Variants in ITPR2 observed in about 807,000 individuals in gnomAD.
The protein encoded by ITPR2 is inositol 1,4,5-trisphosphate receptor type 2.
ITPR2 carries 207 observed loss-of-function variants against 317.1 expected under a neutral mutation model. The observed-to-expected ratio is 0.65, with a 90% CI of 0.58 to 0.73. The LOEUF (loss-of-function observed/expected upper bound fraction) is 0.73, where lower values mean the gene tolerates loss of function less well. ITPR2 is among the 30% of genes least tolerant of loss of function. ITPR2 has a pLI of 0.00. For synonymous variants in ITPR2, 1,156 were observed against 1,149.1 expected (o/e 1.01, Z -0.12); for missense variants, 2,613 against 3,284.0 (o/e 0.80, Z 4.99).
intron 1 of ITPR2, among the ~76,000 whole-genome samples, chr12:26,809,829 A>G (rs1950703618): frequency 6.6e-6 from 1 of 152,102 alleles, no homozygotes; most frequent in African/African-American, 2.4e-5. Context: ...CGTAGATTTA[A>G]TAATAGACTC....
chr12:26,341,541 A>T (rs901565785), intron 55 of ITPR2, among the ~76,000 whole-genome samples: 1 of 152,216 alleles, frequency 6.6e-6, no homozygotes, highest in Admixed American at 6.5e-5. Context: ...CAAGTTCTTT[A>T]TAGTTCCCTA....
chr12:26,750,085 C>T (rs1949389209), intron 2 of ITPR2, among the ~76,000 whole-genome samples: 1 of 152,154 alleles, frequency 6.6e-6, no homozygotes, highest in Non-Finnish European at 1.5e-5. Flanking sequence ...GTGAGTGTAA[C>T]CTTGCATAAG....
chr12:26,388,503 T>TGCAC (rs1220059690), intron 54 of ITPR2, among the ~76,000 whole-genome samples: 1 of 152,056 alleles, frequency 6.6e-6, no homozygotes, highest in African/African-American at 2.4e-5. Flanking sequence ...CTCACTCTGT[T>TGCAC]TCCCAGGCTG....
chr12:26,788,613 T>G (rs2137208238), intron 2 of ITPR2, among the ~76,000 whole-genome samples: 1 of 152,230 alleles, frequency 6.6e-6, no homozygotes, highest in East Asian at 1.9e-4. Context: ...TTCCTCAGTT[T>G]AGCAAGTTCT....
intron 37 of ITPR2, among the ~76,000 whole-genome samples, chr12:26,512,369 C>G (rs1238323131): frequency 1.3e-5 from 2 of 152,156 alleles, no homozygotes; most frequent in African/African-American, 2.4e-5. Context: ...CTCTGTTCAC[C>G]TGAGATAAAT....
At chr12:26,370,072 T>A (rs144456264) in intron 55 of ITPR2, among the ~76,000 whole-genome samples, 4 of 152,160 alleles carry the variant, frequency 2.6e-5, no homozygotes, top group African/African-American at 9.7e-5. Flanking sequence ...CATTTGGCTG[T>A]TGCTGATCTG....
rs184855344 is a variant in ITPR2, at chr12:26,822,075, T to C, written c.92+10615A>G. ...TTAGTGATTATTTCATAATTAGTCA[T>C]TACAGGATCTCAGAGAGCTAGAGAA... On this transcript the variant is annotated intron_variant, in intron 1 of 56. Coordinates refer to ENST00000381340, the MANE Select transcript of ITPR2 (RefSeq NM_002223.4). Among the ~76,000 whole-genome samples the C allele has an allele frequency of 1.9e-3, 288 of 152,298 alleles. 1 individual carries two copies. The highest frequency in any genetic ancestry group is 6.6e-3 in the African/African-American group (275 of 41,558).
chr12:26,760,619 C>A (rs1258114427), intron 2 of ITPR2, among the ~76,000 whole-genome samples: 3 of 152,160 alleles, frequency 2.0e-5, no homozygotes, highest in Non-Finnish European at 4.4e-5. Context: ...GAACTTCTCT[C>A]CTACCCATCT....
chr12:26,782,030 A>G (rs1287782463), intron 2 of ITPR2, among the ~76,000 whole-genome samples: 12 of 25,648 alleles, frequency 4.7e-4, no homozygotes, highest in South Asian at 1.6e-3. Flanking sequence ...ATATATATAT[A>G]TATGTATAGA....
intron 2 of ITPR2, among the ~76,000 whole-genome samples, chr12:26,756,506 T>C (rs899754486): frequency 3.3e-5 from 5 of 152,216 alleles, no homozygotes; most frequent in African/African-American, 1.2e-4. Flanking sequence ...GTATTGCTGT[T>C]GTAGTCTTTT....
intron 45 of ITPR2, among the ~76,000 whole-genome samples, chr12:26,472,233 T>C (rs4964001): frequency 0.54 from 81,736 of 152,132 alleles, 26,247 homozygotes; most frequent in Non-Finnish European, 0.71. Context: ...ACAACTGGCC[T>C]ACTTTTCTTC....
intron 2 of ITPR2, among the ~76,000 whole-genome samples, chr12:26,726,294 A>G (rs1474424794): frequency 6.6e-6 from 1 of 152,192 alleles, no homozygotes; most frequent in African/African-American, 2.4e-5. Context: ...TGGAAACATA[A>G]AGCAAAACAA....
At chr12:26,675,994 C>T (rs1947898819) in intron 13 of ITPR2, among the ~76,000 whole-genome samples, 1 of 151,542 alleles carries the variant, frequency 6.6e-6, no homozygotes, top group African/African-American at 2.4e-5. Flanking sequence ...CCCATCTCTA[C>T]CAAAAATACA....
intron 55 of ITPR2, among the ~76,000 whole-genome samples, chr12:26,347,644 T>C (rs1938350084): frequency 6.6e-6 from 1 of 152,224 alleles, no homozygotes; most frequent in Non-Finnish European, 1.5e-5. Flanking sequence ...AATGGAGATA[T>C]CTATGCTTAG....
At chr12:26,482,768 A>G (rs1942574334) in intron 42 of ITPR2, among the ~76,000 whole-genome samples, 1 of 152,208 alleles carries the variant, frequency 6.6e-6, no homozygotes, top group Non-Finnish European at 1.5e-5. Context: ...ATAGATTCAT[A>G]AATGTATGTG....
chr12:26,768,428 A>AAAT (rs1565748456), intron 2 of ITPR2, among the ~76,000 whole-genome samples: 3 of 62,920 alleles, frequency 4.8e-5, no homozygotes, highest in Non-Finnish European at 1.3e-4. Flanking sequence ...AAAAAATTAA[A>AAAT]AAAAAATAAA....
chr12:26,729,661 TGGAGC>T (rs2137058691), intron 2 of ITPR2, among the ~76,000 whole-genome samples: 1 of 152,236 alleles, frequency 6.6e-6, no homozygotes, highest in Non-Finnish European at 1.5e-5. Context: ...AGGACATGAA[TGGAGC>T]TGGAGGCCAT....
At chr12:26,350,129 C>G (rs1311916653) in intron 55 of ITPR2, among the ~76,000 whole-genome samples, 4 of 152,188 alleles carry the variant, frequency 2.6e-5, no homozygotes, top group Non-Finnish European at 5.9e-5. Flanking sequence ...TAGGTGTGAG[C>G]CTGAAGGCCC....
At chr12:26,668,111 G>C (rs1947668315) in intron 13 of ITPR2, among the ~76,000 whole-genome samples, 1 of 152,196 alleles carries the variant, frequency 6.6e-6, no homozygotes, top group South Asian at 2.1e-4. Flanking sequence ...TCTATACTGG[G>C]CAGTGGGTAG....
Sources: allele counts gnomAD v4.1 joint callset (sites outside exome capture counted in the v4.1 genomes callset), GRCh38; gene constraint gnomAD v4.1.1; transcripts MANE v1.5; gene names NCBI Gene and HGNC (gene_info 2026-07-23, HGNC 2026-07-21).